FAM76A: variants seen among roughly 807,000 people sequenced by gnomAD.
The protein encoded by FAM76A is family with sequence similarity 76 member A.
In FAM76A, 32 loss-of-function variants were observed where a neutral mutation model predicts 46.2. That is an observed-to-expected ratio of 0.69 (90% CI 0.52 to 0.93). The LOEUF (loss-of-function observed/expected upper bound fraction) is 0.93. Among genes scored for constraint, FAM76A ranks in the 40% least tolerant of loss-of-function variants. The pLI is 0.00. For missense variants in FAM76A, 274 were observed against 361.5 expected, an observed-to-expected ratio of 0.76 and a Z score of 1.96; for synonymous variants, 137 against 127.0, an observed-to-expected ratio of 1.08 and a Z score of -0.53.
At chr1:27,734,743 A>G (rs1390963385) in intron 4 of FAM76A, among the ~76,000 whole-genome samples, 5 of 152,220 alleles carry the variant, frequency 3.3e-5, no homozygotes, top group African/African-American at 1.2e-4. Context: ...GCAGAATTCT[A>G]TGGAATTCTG....
rs1186237447 is a variant in FAM76A at position 27,726,168 on chromosome 1, G to C, written c.81+7G>C. The C allele has an allele frequency of 1.6e-6, 2 of 1,276,198 alleles. No individual in the cohort carries two copies. Among genetic ancestry groups the C allele is most frequent in the African/African-American group, 1.5e-5 (1 of 65,192 alleles). 79.1% of individuals were successfully genotyped at this position (1,276,198 alleles called of 1,614,324 possible). A position where few individuals can be genotyped will look rare whatever the true frequency, so the allele number is the denominator to read the frequency against. On this transcript the variant is annotated splice_region_variant and intron_variant, in intron 1 of 8. Transcript: ENST00000373954. ...GGGGCAGCAGCTGTGCAAGGTGCGC[G>C]GGCTGGGGCGGCGGCCGGGAACTGG... is the stretch of plus-strand genomic sequence containing the variant.
chr1:27,726,962 A>G (rs1445004159), intron 1 of FAM76A, among the ~76,000 whole-genome samples: 1 of 152,178 alleles, frequency 6.6e-6, no homozygotes, highest in Non-Finnish European at 1.5e-5. Flanking sequence ...TCTGATTTGG[A>G]TAACTCATAA....
rs1334464233 is a variant in FAM76A, at chr1:27,760,860, C to CT, written c.*288dup. On this transcript the variant is annotated 3_prime_UTR_variant, in exon 9 of 9. Transcript: ENST00000373954. ...CTCTTCTCTCTATTTTGGTTCTATT[C>CT]TTTTTTTTTCTTTTTTCTTTTTTTT... The CT allele has an allele frequency of 1.6e-3, 64 of 41,124 alleles. 1 individual carries two copies. The highest frequency in any genetic ancestry group is 4.4e-3 in the South Asian group (6 of 1,370). 2.5% of individuals were successfully genotyped at this position (41,124 alleles called of 1,614,324 possible). A position where few individuals can be genotyped will look rare whatever the true frequency, so the allele number is the denominator to read the frequency against.
At position 27,726,016 on chromosome 1, in the gene FAM76A, C is replaced by T; in HGVS notation, c.-65C>T. On this transcript the variant is annotated 5_prime_UTR_variant, in exon 1 of 9. Coordinates refer to ENST00000373954, the MANE Select transcript of FAM76A (RefSeq NM_152660.3). The stretch of plus-strand genomic sequence containing the variant: ...AGCCTGCAGCCGCCGCCGGGTTGTG[C>T]CTCAGACTGTCAGATAAATCGGCGG... 8.2e-7 allele frequency: 1 copy of T among 1,217,362 alleles called. No homozygotes were observed. Among genetic ancestry groups the T allele is most frequent in the Non-Finnish European group, 1.0e-6 (1 of 967,226 alleles). 75.4% of individuals were successfully genotyped at this position (1,217,362 alleles called of 1,614,324 possible).
At chr1:27,760,333 G>C (rs1348404831) in intron 8 of FAM76A, 162 bp from the exon 9 acceptor site, 1 of 537,148 alleles carries the variant, frequency 1.9e-6, no homozygotes, top group Non-Finnish European at 3.4e-6. Flanking sequence ...CCTGAACCAA[G>C]TTTCAAGCCC....
intron 6 of FAM76A, among the ~76,000 whole-genome samples, chr1:27,751,149 A>G (rs552405734): frequency 5.9e-5 from 9 of 152,068 alleles, no homozygotes; most frequent in African/African-American, 2.2e-4. Flanking sequence ...CTCTGTCTCA[A>G]AAAAAAAGGT....
chr1:27,740,984 C>T lies in FAM76A; in HGVS notation c.355-3670C>T, dbSNP rs2088141541. On this transcript the variant is annotated intron_variant, in intron 4 of 8. Coordinates refer to ENST00000373954, the MANE Select transcript of FAM76A (RefSeq NM_152660.3). ...CTACTAAAATACAAAATTAGCCGGGCGTGGTGGTGCATGCCTATAATCCTA... is the reference window on the plus strand; with the variant it reads ...CTACTAAAATACAAAATTAGCCGGGTGTGGTGGTGCATGCCTATAATCCTA... Among the ~76,000 whole-genome samples the T allele has an allele frequency of 2.0e-5, 3 of 151,698 alleles. No individual in the cohort carries two copies. In the South Asian group the frequency reaches 6.2e-4, roughly 32 times the overall value.
intron 3 of FAM76A, 138 bp downstream of exon 3, chr1:27,732,795 T>C (rs1191437065): frequency 3.7e-6 from 2 of 543,674 alleles, no homozygotes; most frequent in Non-Finnish European, 6.2e-6. Flanking sequence ...TGATTTCAGC[T>C]TTCACATTTA....
chr1:27,757,844 G>A (rs1044887229), intron 7 of FAM76A, among the ~76,000 whole-genome samples: 2 of 152,092 alleles, frequency 1.3e-5, no homozygotes, highest in Non-Finnish European at 2.9e-5. Flanking sequence ...GGGCGTGGTG[G>A]TGGGCGCCTG....
At chr1:27,727,777 G>A (rs1277570814) in intron 2 of FAM76A, among the ~76,000 whole-genome samples, 1 of 142,204 alleles carries the variant, frequency 7.0e-6, no homozygotes, top group Non-Finnish European at 1.6e-5. Context: ...TTGTTTCCTA[G>A]TTATTATCCA....
chr1:27,732,723 C>A, intron 3 of FAM76A, 66 bp downstream of exon 3: 3 of 1,151,808 alleles, frequency 2.6e-6, no homozygotes, highest in Non-Finnish European at 3.8e-6. Flanking sequence ...CCTTCTGTGG[C>A]CTACTAATGC....
At position 27,726,122 on chromosome 1, in the gene FAM76A, C is replaced by G. The variant is rs1488546524; in HGVS notation, c.42C>G (p.Phe14Leu). 1 of 1,307,756 alleles carries G rather than the reference C, an allele frequency of 7.6e-7. No individual in the cohort carries two copies. Among genetic ancestry groups the G allele is most frequent in the Non-Finnish European group, 9.8e-7 (1 of 1,021,602 alleles). The allele number at this position is 1,307,756 out of a possible 1,614,324, so 81.0% of individuals were successfully genotyped here. A position where few individuals can be genotyped will look rare whatever the true frequency, so the allele number is the denominator to read the frequency against. The change falls in exon 1 of 9, where the codon TTC becomes TTG. Residue 14 changes from phenylalanine to leucine, a missense_variant. Physicochemically the swap from Phe to Leu is conservative, Grantham distance 22. Coordinates refer to ENST00000373954, the MANE Select transcript of FAM76A (RefSeq NM_152660.3). ...LYACTKCHQR[F>L]PFEALSQGQQ... ...CCTGCACCAAGTGCCACCAGCGCTT[C>G]CCCTTCGAGGCGCTGTCTCAGGGGC...
chr1:27,749,227 G>C, intron 6 of FAM76A, 73 bp downstream of exon 6: 1 of 1,037,840 alleles, frequency 9.6e-7, no homozygotes, highest in Non-Finnish European at 1.4e-6. Context: ...AATACATTTA[G>C]GGTCTGCCTT....
At chr1:27,741,756 G>A (rs184905413) in intron 4 of FAM76A, among the ~76,000 whole-genome samples, 138 of 151,786 alleles carry the variant, frequency 9.1e-4, no homozygotes, top group African/African-American at 3.2e-3. Flanking sequence ...GGTGGTGGGC[G>A]CCTGTAATCC....
chr1:27,726,170 G>A lies in FAM76A; in HGVS notation c.81+9G>A. The A allele has an allele frequency of 7.8e-7, 1 of 1,276,442 alleles. No homozygotes were observed. The allele number at this position is 1,276,442 out of a possible 1,614,324, so 79.1% of individuals were successfully genotyped here. A position where few individuals can be genotyped will look rare whatever the true frequency, so the allele number is the denominator to read the frequency against. ...GGCAGCAGCTGTGCAAGGTGCGCGGGCTGGGGCGGCGGCCGGGAACTGGGG... is the reference window on the plus strand; with the variant it reads ...GGCAGCAGCTGTGCAAGGTGCGCGGACTGGGGCGGCGGCCGGGAACTGGGG... On this transcript the variant is annotated intron_variant, in intron 1 of 8. Coordinates refer to ENST00000373954, the MANE Select transcript of FAM76A (RefSeq NM_152660.3).
intron 8 of FAM76A, chr1:27,759,851 T>A: frequency 3.5e-6 from 2 of 571,386 alleles, no homozygotes; most frequent in East Asian, 7.7e-5. Flanking sequence ...TACTGCAGCC[T>A]CAACCTCCCA....
At chr1:27,744,167 T>G (rs2088201261) in intron 4 of FAM76A, among the ~76,000 whole-genome samples, 2 of 152,206 alleles carry the variant, frequency 1.3e-5, no homozygotes, top group African/African-American at 2.4e-5. Context: ...TCACGCTCTG[T>G]TGCCAGGCTA....
chr1:27,726,891 A>T (rs908605469), intron 1 of FAM76A, among the ~76,000 whole-genome samples: 1 of 152,160 alleles, frequency 6.6e-6, no homozygotes, highest in African/African-American at 2.4e-5. Flanking sequence ...GGCAACAGTT[A>T]AAAAGTCACC....
Position 27,754,612 on chromosome 1 carries a change from C to T in FAM76A, c.600-583C>T, listed in dbSNP as rs575021872. ...ATATTGGAAATGACAATCTGCAGGCCATTTGTAGTGTAGGGGAAGCTGGCT... is the reference window on the plus strand; with the variant it reads ...ATATTGGAAATGACAATCTGCAGGCTATTTGTAGTGTAGGGGAAGCTGGCT... On this transcript the variant is annotated intron_variant, in intron 6 of 8. Coordinates refer to ENST00000373954, the MANE Select transcript of FAM76A (RefSeq NM_152660.3). Among the ~76,000 whole-genome samples, 303 of 152,122 alleles carry T rather than the reference C, an allele frequency of 2.0e-3. 1 individual carries two copies. Among genetic ancestry groups the T allele is most frequent in the Non-Finnish European group, 3.9e-3 (266 of 68,028 alleles).
Sources: gnomAD v4.1 joint callset for allele counts (sites outside exome capture counted in the v4.1 genomes callset) on GRCh38, gnomAD v4.1.1 for gene constraint, MANE v1.5 for transcripts, NCBI Gene and HGNC (gene_info 2026-07-23, HGNC 2026-07-21) for gene names.